Variants in DCAF17 observed in about 807,000 individuals in gnomAD.
The protein encoded by DCAF17 is DDB1 and CUL4 associated factor 17.
Under a neutral mutation model 66.0 loss-of-function variants are expected in DCAF17, and 48 were observed. The ratio of observed to expected loss-of-function variants is 0.73; its 90% confidence interval spans 0.58 to 0.92. The LOEUF is 0.92. Among genes scored for constraint, DCAF17 ranks in the 40% least tolerant of loss-of-function variants. The pLI is 0.00. For missense variants in DCAF17, 562 were observed against 622.8 expected (o/e 0.90, Z 1.04); for synonymous variants, 206 against 214.6 (o/e 0.96, Z 0.35).
At chr2:171,440,345 G>T (rs146435269) in intron 2 of DCAF17, among the ~76,000 whole-genome samples, 1 of 152,062 alleles carries the variant, frequency 6.6e-6, no homozygotes, top group Non-Finnish European at 1.5e-5. Flanking sequence ...GGAGGCCAAC[G>T]TCTGGGGTTG....
chr2:171,480,136 C>T lies in DCAF17; in HGVS notation c.1365C>T (p.His455=). ...DAEGKAHLDF[H]CNEYGTLLKS... ...AAGGAAAAGCTCACCTGGATTTCCA[C>T]TGTAATGAATATGGAACTTTACTTA... The change falls in exon 13 of 14, where the codon CAC becomes CAT. Residue 455 remains histidine, a synonymous_variant. Transcript: ENST00000375255. 8.7e-6 allele frequency: 14 copies of T among 1,613,812 alleles called. No homozygotes were observed. Among genetic ancestry groups the T allele is most frequent in the Non-Finnish European group, 1.2e-5 (14 of 1,179,802 alleles).
intron 6 of DCAF17, among the ~76,000 whole-genome samples, chr2:171,455,843 C>T (rs1044081655): frequency 3.3e-5 from 5 of 151,912 alleles, no homozygotes; most frequent in Admixed American, 6.6e-5. Flanking sequence ...TGTCCTTTGC[C>T]CACTTTTTAA....
intron 9 of DCAF17, among the ~76,000 whole-genome samples, chr2:171,470,163 A>G (rs772200605): frequency 3.3e-5 from 5 of 152,120 alleles, no homozygotes; most frequent in Non-Finnish European, 7.4e-5. Flanking sequence ...ATCTGGGACT[A>G]TAGGAGCGCA....
At position 171,440,598 on chromosome 2, in the gene DCAF17, A is replaced by G. The variant is rs140524090; in HGVS notation, c.231-2925A>G. 8.6e-3 allele frequency among the ~76,000 whole-genome samples: 1,315 copies of G among 152,300 alleles called. 21 individuals carry two copies. The highest frequency in any genetic ancestry group is 0.03 in the African/African-American group (1,249 of 41,568). On this transcript the variant is annotated intron_variant, in intron 2 of 13. Coordinates refer to ENST00000375255, the MANE Select transcript of DCAF17 (RefSeq NM_025000.4). ...CAAAAAATTTTACAAATTTAAGATA[A>G]TATTGGATAAAAAGAATTAAATAGG...
Position 171,448,735 on chromosome 2 carries a change from G to A in DCAF17, c.376G>A (p.Ala126Thr). ...TAAGTCCTCACTCATAGCACTGACT[G>A]CTCATAATTGGCTACTTCGTATATC... ...DYKSSLIALTAHNWLLRISAT... is the reference protein window; with the variant it reads ...DYKSSLIALTTHNWLLRISAT... Residue 126 changes from alanine to threonine, a missense_variant, in exon 4 of 14, where the codon GCT becomes ACT. This residue lies in a region of DCAF17 where 348 missense variants were observed against 355.9 expected (regional missense o/e 0.98). Transcript: ENST00000375255. 6.2e-7 allele frequency: 1 copy of A among 1,612,654 alleles called. No individual in the cohort carries two copies. Among genetic ancestry groups the A allele is most frequent in the Non-Finnish European group, 8.5e-7 (1 of 1,179,436 alleles).
rs1162046299 is a variant in DCAF17, at chr2:171,434,269, C to T, written c.-309C>T. On this transcript the variant is annotated 5_prime_UTR_variant, in exon 1 of 14. Transcript: ENST00000375255. Reference sequence around the variant, plus strand: ...ACGAGGCACTAGGAACTACATTTCCCGGTGAGAGAGCGGCTCCGGCCGGCC... The same window carrying T: ...ACGAGGCACTAGGAACTACATTTCCTGGTGAGAGAGCGGCTCCGGCCGGCC... 2 of 533,630 alleles carry T rather than the reference C, an allele frequency of 3.7e-6. No individual in the cohort carries two copies. Among genetic ancestry groups the T allele is most frequent in the East Asian group, 4.7e-5 (1 of 21,358 alleles). The allele number at this position is 533,630 out of a possible 1,614,324, so 33.1% of individuals were successfully genotyped here. A position where few individuals can be genotyped will look rare whatever the true frequency, so the allele number is the denominator to read the frequency against.
intron 9 of DCAF17, among the ~76,000 whole-genome samples, chr2:171,473,296 G>C (rs186558607): frequency 1.3e-5 from 2 of 152,278 alleles, no homozygotes; most frequent in East Asian, 3.9e-4. Context: ...CAGATCTGCT[G>C]TTTAGTAGGT....
chr2:171,471,676 C>CATTA (rs1696249580), intron 9 of DCAF17, among the ~76,000 whole-genome samples: 1 of 152,104 alleles, frequency 6.6e-6, no homozygotes. Context: ...AATTGAAACT[C>CATTA]ATTAATTGAT....
intron 12 of DCAF17, 99 bp from the exon 13 acceptor site, chr2:171,479,939 T>A: frequency 7.5e-7 from 1 of 1,333,450 alleles, no homozygotes; most frequent in Non-Finnish European, 1.1e-6. Flanking sequence ...CCCATATTTT[T>A]GTAAGTAATA....
In DCAF17 at chr2:171,460,277, C is replaced by T. The variant is rs370297758; in HGVS notation, c.838+1800C>T. Among the ~76,000 whole-genome samples the T allele has an allele frequency of 6.2e-5, 9 of 144,612 alleles. No homozygotes were observed. The East Asian group carries it at 8.3e-4, about 13-fold the overall frequency. 94.9% of individuals were successfully genotyped at this position (144,612 alleles called of 152,430 possible). A position where few individuals can be genotyped will look rare whatever the true frequency, so the allele number is the denominator to read the frequency against. On this transcript the variant is annotated intron_variant, in intron 8 of 13. Transcript: ENST00000375255. ...GATGGAGGTTGCAGTGAGCCGAGAT[C>T]GTGCCACTGCACTCTAGCCTGGGCG...
Position 171,435,106 on chromosome 2 carries a change from C to G in DCAF17, c.150C>G (p.Val50=). Residue 50 remains valine, a synonymous_variant, in exon 2 of 14, where the codon GTC becomes GTG. Coordinates refer to ENST00000375255, the MANE Select transcript of DCAF17 (RefSeq NM_025000.4). ...AGGAAAGTACTAAATTTAAGAATGT[C>G]TGGACAACTCATTCCAGGTCACCTA... ...VCQESTKFKN[V]WTTHSRSPIA... 1 of 1,609,766 alleles carries G rather than the reference C, an allele frequency of 6.2e-7. No homozygotes were observed. Among genetic ancestry groups the G allele is most frequent in the Non-Finnish European group, 8.5e-7 (1 of 1,176,418 alleles).
At chr2:171,477,625 TC>T (rs1286676806) in intron 11 of DCAF17, among the ~76,000 whole-genome samples, 1 of 152,156 alleles carries the variant, frequency 6.6e-6, no homozygotes, top group Non-Finnish European at 1.5e-5. Context: ...AAACCCTGTC[TC>T]TACAAAAAGT....
At chr2:171,464,638 C>T (rs1276617950) in intron 8 of DCAF17, among the ~76,000 whole-genome samples, 1 of 152,162 alleles carries the variant, frequency 6.6e-6, no homozygotes, top group East Asian at 1.9e-4. Flanking sequence ...GAACACAAGT[C>T]AACTCACAAC....
rs1211460075 is a variant in DCAF17, at chr2:171,483,061, T to C, written c.*1947T>C. On this transcript the variant is annotated 3_prime_UTR_variant, in exon 14 of 14. Transcript: ENST00000375255. ...ACAGTATGTGGGAATGTAGGCTGCA[T>C]GGTTGTTAACAAGATAGATGGTAAA... 4.4e-6 allele frequency: 2 copies of C among 454,104 alleles called. No homozygotes were observed. The highest frequency in any genetic ancestry group is 3.1e-5 in the South Asian group (2 of 64,482). The allele number at this position is 454,104 out of a possible 1,614,324, so 28.1% of individuals were successfully genotyped here. A position where few individuals can be genotyped will look rare whatever the true frequency, so the allele number is the denominator to read the frequency against.
At chr2:171,479,856 G>A in intron 12 of DCAF17, 182 bp from the exon 13 acceptor site, 4 of 631,756 alleles carry the variant, frequency 6.3e-6, no homozygotes, top group Non-Finnish European at 8.0e-6. Flanking sequence ...TGAAAATCTT[G>A]GAGCTGATGT....
intron 8 of DCAF17, among the ~76,000 whole-genome samples, chr2:171,468,582 T>C (rs920524999): frequency 1.3e-5 from 2 of 152,164 alleles, no homozygotes; most frequent in African/African-American, 4.8e-5. Flanking sequence ...TAAATGTACT[T>C]TGTCATTTCT....
intron 2 of DCAF17, among the ~76,000 whole-genome samples, chr2:171,441,270 C>T (rs1694292787): frequency 6.6e-6 from 1 of 152,218 alleles, no homozygotes; most frequent in South Asian, 2.1e-4. Flanking sequence ...AACTAAGGCT[C>T]TTTACCTGGT....
intron 8 of DCAF17, among the ~76,000 whole-genome samples, chr2:171,466,204 T>C (rs901477005): frequency 2.0e-4 from 31 of 152,252 alleles, no homozygotes; most frequent in African/African-American, 7.0e-4. Context: ...AAGAAATATA[T>C]CAAGTTAATT....
chr2:171,473,830 T>G, intron 9 of DCAF17, 36 bp from the exon 10 acceptor site: 1 of 1,527,884 alleles, frequency 6.5e-7, no homozygotes, highest in South Asian at 1.1e-5. Flanking sequence ...TGATTTTCCC[T>G]TAATCTTTGT....
Sources: allele counts gnomAD v4.1 joint callset (sites outside exome capture counted in the v4.1 genomes callset), GRCh38; gene constraint gnomAD v4.1.1; regional missense constraint gnomAD v4.1.1; transcripts MANE v1.5; gene names NCBI Gene and HGNC (gene_info 2026-07-23, HGNC 2026-07-21).